LRRC20: variants seen among roughly 807,000 people sequenced by gnomAD.
LRRC20 encodes leucine rich repeat containing 20, also known as leucine-rich repeat-containing protein 20.
A neutral mutation model predicts 14.4 loss-of-function variants in LRRC20; 11 were observed. That is an observed-to-expected ratio of 0.77 (90% CI 0.48 to 1.27). The LOEUF (loss-of-function observed/expected upper bound fraction) is 1.27, where lower values mean the gene tolerates loss of function less well. LRRC20 is among the 50% of genes most tolerant of loss of function. LRRC20 has a pLI of 0.00. For missense variants in LRRC20, 219 were observed against 251.2 expected, an observed-to-expected ratio of 0.87 and a Z score of 0.87; for synonymous variants, 121 against 107.3, an observed-to-expected ratio of 1.13 and a Z score of -0.79.
intron 2 of LRRC20, among the ~76,000 whole-genome samples, chr10:70,342,589 A>C (rs1248405743): frequency 1.3e-5 from 2 of 152,196 alleles, no homozygotes; most frequent in African/African-American, 4.8e-5. Context: ...CACAGAATGA[A>C]GGTACCACCA....
chr10:70,354,165 A>C (rs1259148461), intron 2 of LRRC20, among the ~76,000 whole-genome samples: 1 of 152,146 alleles, frequency 6.6e-6, no homozygotes, highest in Non-Finnish European at 1.5e-5. Context: ...TTGATGCCTA[A>C]GTCTCTCTCC....
chr10:70,359,971 C>T (rs1304321633), intron 2 of LRRC20, among the ~76,000 whole-genome samples: 3 of 149,430 alleles, frequency 2.0e-5, no homozygotes, highest in African/African-American at 7.4e-5. Flanking sequence ...GGCTGGAGTG[C>T]AGTGGCGTGA....
chr10:70,357,288 G>A (rs1843561051), intron 2 of LRRC20, among the ~76,000 whole-genome samples: 1 of 152,110 alleles, frequency 6.6e-6, no homozygotes, highest in Non-Finnish European at 1.5e-5. Context: ...AGCAGTGATG[G>A]TTATACAATC....
At chr10:70,316,049 A>G (rs945711247) in intron 4 of LRRC20, among the ~76,000 whole-genome samples, 3 of 152,240 alleles carry the variant, frequency 2.0e-5, no homozygotes, top group Non-Finnish European at 2.9e-5. Context: ...CACTCTGGAC[A>G]GAGACAGGGA....
chr10:70,379,356 A>C (rs1210564746), intron 1 of LRRC20, among the ~76,000 whole-genome samples: 2 of 152,192 alleles, frequency 1.3e-5, no homozygotes, highest in Non-Finnish European at 2.9e-5. Flanking sequence ...GACTTGTTCT[A>C]ACCACTTTAT....
At chr10:70,333,879 G>A (rs1378744762) in intron 3 of LRRC20, among the ~76,000 whole-genome samples, 1 of 152,214 alleles carries the variant, frequency 6.6e-6, no homozygotes, top group Non-Finnish European at 1.5e-5. Flanking sequence ...GCCGGGTGCT[G>A]TGGCTCAGGC....
Position 70,301,407 on chromosome 10 carries a change from T to C in LRRC20, c.502A>G (p.Ile168Val). Residue 168 changes from isoleucine (I) to valine (V), a missense_variant, in exon 5 of 5, where the codon ATC (isoleucine) becomes GTC (valine). Ile to Val is a conservative substitution (Grantham distance 29). Coordinates refer to ENST00000446961, the MANE Select transcript of LRRC20 (RefSeq NM_001278212.2). ...GGAGACATGAGCATGTCAAACTTGA[T>C]GAGCGGCGGGGCGATCACGCGCACC... is the stretch of plus-strand genomic sequence containing the variant. ...AEVRVIAPPL[I>V]KFDMLMSPEG... The C allele has an allele frequency of 6.2e-7, 1 of 1,614,038 alleles. No individual in the cohort carries two copies. The highest frequency in any genetic ancestry group is 8.5e-7 in the Non-Finnish European group (1 of 1,180,030).
chr10:70,368,069 C>T (rs1589124427), intron 2 of LRRC20, among the ~76,000 whole-genome samples: 1 of 148,660 alleles, frequency 6.7e-6, no homozygotes, highest in Non-Finnish European at 1.5e-5. Flanking sequence ...CTGCAACCTC[C>T]ACCTCCCAGG....
At chr10:70,323,826 G>A in intron 4 of LRRC20, 37 bp downstream of exon 4, 1 of 1,610,964 alleles carries the variant, frequency 6.2e-7, no homozygotes, top group Non-Finnish European at 8.5e-7. Flanking sequence ...AGCGCCTCGT[G>A]CAGCAGCCCA....
Position 70,375,407 on chromosome 10 carries a change from C to T in LRRC20, c.82+1045G>A, listed in dbSNP as rs150220879. ...GGAGCAAAGGGTGGATGAGGGAAGG[C>T]GGAGGGCTTCCTGGAAGAGGCAGTG... On this transcript the variant is annotated intron_variant, in intron 2 of 4. Transcript: ENST00000446961. Among the ~76,000 whole-genome samples the T allele has an allele frequency of 3.6e-3, 554 of 152,192 alleles. 2 individuals are homozygous for T. Among genetic ancestry groups the T allele is most frequent in the African/African-American group, 0.013 (523 of 41,504 alleles).
intron 2 of LRRC20, among the ~76,000 whole-genome samples, chr10:70,360,912 A>T (rs1438860538): frequency 6.6e-6 from 1 of 152,096 alleles, no homozygotes; most frequent in Non-Finnish European, 1.5e-5. Context: ...AACTGTCATA[A>T]TGGCACACGC....
At chr10:70,371,511 A>G (rs1295681437) in intron 2 of LRRC20, among the ~76,000 whole-genome samples, 1 of 152,074 alleles carries the variant, frequency 6.6e-6, no homozygotes, top group Non-Finnish European at 1.5e-5. Context: ...CTGCAGAGCC[A>G]GGAGCCTAAG....
intron 2 of LRRC20, among the ~76,000 whole-genome samples, chr10:70,356,425 A>G (rs1589110305): frequency 6.6e-6 from 1 of 152,176 alleles, no homozygotes; most frequent in Non-Finnish European, 1.5e-5. Context: ...CTGTGGTGGG[A>G]GGATCGCTTG....
chr10:70,354,066 C>A (rs1006580373), intron 2 of LRRC20, among the ~76,000 whole-genome samples: 10 of 152,174 alleles, frequency 6.6e-5, no homozygotes, highest in African/African-American at 2.2e-4. Flanking sequence ...TAAATTGCAA[C>A]TGATCATCTC....
At chr10:70,339,747 A>G (rs1470921451) in intron 3 of LRRC20, among the ~76,000 whole-genome samples, 2 of 152,192 alleles carry the variant, frequency 1.3e-5, no homozygotes, top group Non-Finnish European at 2.9e-5. Flanking sequence ...TAGAGCATCT[A>G]CGAGGCTCAC....
intron 3 of LRRC20, among the ~76,000 whole-genome samples, chr10:70,325,616 C>T (rs1025458546): frequency 4.6e-5 from 7 of 152,222 alleles, no homozygotes; most frequent in African/African-American, 1.4e-4. Context: ...CCTGCCAAGG[C>T]TGAGGGTGGT....
intron 2 of LRRC20, among the ~76,000 whole-genome samples, chr10:70,361,240 G>A (rs1319582140): frequency 6.6e-6 from 1 of 152,142 alleles, no homozygotes; most frequent in Admixed American, 6.5e-5. Context: ...TCCAGAGCTG[G>A]GAAAATCAGA....
chr10:70,334,641 C>T lies in LRRC20; in HGVS notation c.232+5912G>A, dbSNP rs554216042. Among the ~76,000 whole-genome samples, 484 of 152,234 alleles carry T rather than the reference C, an allele frequency of 3.2e-3. 4 individuals are homozygous for T. Among genetic ancestry groups the T allele is most frequent in the South Asian group, 6.2e-3 (30 of 4,814 alleles). ...GCCTGAGGAACAGAGGGACCCACCC[C>T]GTCCTCACCACCCTGGCCTGTTAGG... On this transcript the variant is annotated intron_variant, in intron 3 of 4. Coordinates refer to ENST00000446961, the MANE Select transcript of LRRC20 (RefSeq NM_001278212.2).
At chr10:70,330,228 C>T (rs1305242574) in intron 3 of LRRC20, among the ~76,000 whole-genome samples, 3 of 151,786 alleles carry the variant, frequency 2.0e-5, no homozygotes, top group African/African-American at 7.2e-5. Context: ...AATGCAATCA[C>T]CTGGGCTTGG....
Sources: gnomAD v4.1 joint callset for allele counts (sites outside exome capture counted in the v4.1 genomes callset) on GRCh38, gnomAD v4.1.1 for gene constraint, MANE v1.5 for transcripts, NCBI Gene and HGNC (gene_info 2026-07-23, HGNC 2026-07-21) for gene names.